SHC3: variants seen among roughly 807,000 people sequenced by gnomAD.
The protein encoded by SHC3 is SHC-transforming protein 3.
In SHC3, 15 loss-of-function variants were observed where a neutral mutation model predicts 60.4. That is an observed-to-expected ratio of 0.25 (90% CI 0.17 to 0.38). The LOEUF (loss-of-function observed/expected upper bound fraction) is 0.38, where lower values mean the gene tolerates loss of function less well. SHC3 is among the 10% of genes least tolerant of loss of function. SHC3 has a pLI of 1.00. For synonymous variants in SHC3, 294 were observed against 325.9 expected (o/e 0.90, Z 1.05); for missense variants, 677 against 786.1 (o/e 0.86, Z 1.66).
chr9:89,046,844 C>G lies in SHC3; in HGVS notation c.1113G>C (p.Gln371His). Reference sequence around the variant, plus strand: ...ATAAGAAAAAAACTATAAGACTTACCTGGGCTGTGTCAGGAGCATGGGGTC... The same window carrying G: ...ATAAGAAAAAAACTATAAGACTTACGTGGGCTGTGTCAGGAGCATGGGGTC... ...KPRPHAPDTAQFAGKEQTYYQ... is the reference protein window; with the variant it reads ...KPRPHAPDTAHFAGKEQTYYQ... The change falls in exon 8 of 12, where the codon CAG becomes CAC. Residue 371 changes from glutamine (Q) to histidine (H), a missense_variant and splice_region_variant. Gln to His is a conservative substitution (Grantham distance 24). Transcript: ENST00000375835. The G allele has an allele frequency of 6.3e-7, 1 of 1,586,082 alleles. No individual in the cohort carries two copies. Among genetic ancestry groups the G allele is most frequent in the Non-Finnish European group, 8.6e-7 (1 of 1,168,646 alleles).
At chr9:89,044,864 G>C (rs781655837) in intron 9 of SHC3, among the ~76,000 whole-genome samples, 2 of 152,182 alleles carry the variant, frequency 1.3e-5, no homozygotes, top group South Asian at 4.1e-4. Flanking sequence ...TATTATGATT[G>C]TAAGATGCAG....
intron 3 of SHC3, among the ~76,000 whole-genome samples, chr9:89,075,596 A>G (rs1282525833): frequency 6.6e-6 from 1 of 152,210 alleles, no homozygotes; most frequent in Non-Finnish European, 1.5e-5. Flanking sequence ...GCAACCTGGT[A>G]TCATCACACC....
chr9:89,140,938 A>G (rs555081730), intron 1 of SHC3, among the ~76,000 whole-genome samples: 1 of 152,348 alleles, frequency 6.6e-6, no homozygotes, highest in African/African-American at 2.4e-5. Context: ...TTAAATATAT[A>G]TAGTTTAGAT....
chr9:89,117,564 A>G (rs566971784), intron 1 of SHC3, among the ~76,000 whole-genome samples: 3 of 152,240 alleles, frequency 2.0e-5, no homozygotes, highest in Admixed American at 6.5e-5. Flanking sequence ...TCTACATTTT[A>G]TCTGACAAAA....
chr9:89,112,957 T>C (rs1242531312), intron 1 of SHC3, among the ~76,000 whole-genome samples: 1 of 152,190 alleles, frequency 6.6e-6, no homozygotes, highest in African/African-American at 2.4e-5. Context: ...AATTCAATGA[T>C]TGTTTAAACA....
rs1254534296 is a variant in SHC3 at position 89,045,792 on chromosome 9, T to C, written c.1155A>G (p.Leu385=). 1.2e-6 allele frequency: 2 copies of C among 1,614,092 alleles called. No individual in the cohort carries two copies. Among genetic ancestry groups the C allele is most frequent in the South Asian group, 2.2e-5 (2 of 91,080 alleles). The change falls in exon 9 of 12, where the codon TTA becomes TTG. Residue 385 remains leucine (L), a synonymous_variant. Coordinates refer to ENST00000375835, the MANE Select transcript of SHC3 (RefSeq NM_016848.6). The stretch of plus-strand genomic sequence containing the variant: ...GCCAGTCTTCGCCAAAAGTGTCTCC[T>C]AAGTGTCTTCCCTGGTAATAAGTCT... ...KEQTYYQGRH[L]GDTFGEDWQQ...
intron 1 of SHC3, among the ~76,000 whole-genome samples, chr9:89,171,511 A>G (rs1296373857): frequency 6.6e-6 from 1 of 152,206 alleles, no homozygotes; most frequent in East Asian, 1.9e-4. Context: ...CTGCCTATTC[A>G]ATAGACGAAA....
intron 2 of SHC3, chr9:89,109,371 C>T (rs1402818949): frequency 5.2e-6 from 5 of 967,126 alleles, no homozygotes; most frequent in African/African-American, 1.8e-5. Flanking sequence ...GGGTGCACAC[C>T]CAGGCTCATG....
At chr9:89,158,826 C>T (rs1234076700) in intron 1 of SHC3, among the ~76,000 whole-genome samples, 1 of 152,198 alleles carries the variant, frequency 6.6e-6, no homozygotes, top group Non-Finnish European at 1.5e-5. Flanking sequence ...CTACATAGTA[C>T]TATTCCATAG....
chr9:89,077,730 C>A, intron 3 of SHC3, 110 bp downstream of exon 3: 3 of 1,330,258 alleles, frequency 2.3e-6, no homozygotes, highest in Non-Finnish European at 3.2e-6. Context: ...TAGCAAGCGC[C>A]GGGCCACAGA....
chr9:89,171,976 G>A (rs1159416861), intron 1 of SHC3, among the ~76,000 whole-genome samples: 2 of 152,212 alleles, frequency 1.3e-5, no homozygotes, highest in African/African-American at 2.4e-5. Flanking sequence ...CCCGCCAGAG[G>A]TGCCATCCAG....
At chr9:89,070,315 C>T (rs990026019) in intron 5 of SHC3, among the ~76,000 whole-genome samples, 5 of 152,226 alleles carry the variant, frequency 3.3e-5, no homozygotes, top group African/African-American at 1.2e-4. Context: ...GAGAACTTTC[C>T]GGAGGGTGAG....
intron 1 of SHC3, among the ~76,000 whole-genome samples, chr9:89,173,907 CCATAT>C (rs1396053711): frequency 6.6e-6 from 1 of 152,010 alleles, no homozygotes; most frequent in African/African-American, 2.4e-5. Context: ...TGTAAGCCAT[CCATAT>C]CATAAGATTT....
chr9:89,108,023 G>A lies in SHC3; in HGVS notation c.545+4533C>T, dbSNP rs145490629. ...CTCTACCTTTTCTATGCTCGCATATGACAGATACACAAATACTTACCATTG... is the reference window on the plus strand; with the variant it reads ...CTCTACCTTTTCTATGCTCGCATATAACAGATACACAAATACTTACCATTG... On this transcript the variant is annotated intron_variant, in intron 2 of 11. Transcript: ENST00000375835. Among the ~76,000 whole-genome samples the A allele has an allele frequency of 5.3e-3, 806 of 152,250 alleles. 6 individuals are homozygous for A. The highest frequency in any genetic ancestry group is 0.018 in the African/African-American group (749 of 41,532).
intron 1 of SHC3, among the ~76,000 whole-genome samples, chr9:89,172,262 C>A (rs906219833): frequency 6.6e-6 from 1 of 152,148 alleles, no homozygotes; most frequent in African/African-American, 2.4e-5. Flanking sequence ...GCAACTCTGA[C>A]GTGGCCACTC....
At chr9:89,067,630 A>T (rs1825204679) in intron 5 of SHC3, among the ~76,000 whole-genome samples, 1 of 152,208 alleles carries the variant, frequency 6.6e-6, no homozygotes, top group African/African-American at 2.4e-5. Flanking sequence ...CTGCTTGAAT[A>T]GAAGAAATTA....
chr9:89,036,748 T>G (rs1824585168), intron 11 of SHC3, among the ~76,000 whole-genome samples: 2 of 152,162 alleles, frequency 1.3e-5, no homozygotes, highest in Non-Finnish European at 2.9e-5. Flanking sequence ...TCTTTTTTCT[T>G]TTTTTGAAAC....
At chr9:89,087,476 C>A (rs1358015146) in intron 2 of SHC3, among the ~76,000 whole-genome samples, 2 of 152,138 alleles carry the variant, frequency 1.3e-5, no homozygotes, top group African/African-American at 4.8e-5. Context: ...TCTTGGGGTG[C>A]CTGCAGGGGG....
At chr9:89,168,908 G>C (rs954121777) in intron 1 of SHC3, among the ~76,000 whole-genome samples, 2 of 152,058 alleles carry the variant, frequency 1.3e-5, no homozygotes, top group African/African-American at 4.8e-5. Flanking sequence ...CTGTCTTCAA[G>C]CTGGGACACT....
Sources: gnomAD v4.1 joint callset for allele counts (sites outside exome capture counted in the v4.1 genomes callset) on GRCh38, gnomAD v4.1.1 for gene constraint, MANE v1.5 for transcripts, NCBI Gene and HGNC (gene_info 2026-07-23, HGNC 2026-07-21) for gene names.